Variants in MKLN1 observed in about 807,000 individuals in gnomAD.
MKLN1 encodes muskelin 1.
Under a neutral mutation model 99.0 loss-of-function variants are expected in MKLN1, and 18 were observed. The ratio of observed to expected loss-of-function variants is 0.18; its 90% confidence interval spans 0.13 to 0.27. MKLN1 has a LOEUF of 0.27. Ranked by LOEUF, MKLN1 falls within the 10% of genes least tolerant of loss-of-function variation. The pLI is 1.00. For synonymous variants in MKLN1, 288 were observed against 293.2 expected (o/e 0.98, Z 0.18); for missense variants, 621 against 875.9 (o/e 0.71, Z 3.67).
At chr7:131,244,663 C>CGACGGTGAT (rs1222775375) in intron 3 of MKLN1, among the ~76,000 whole-genome samples, 2 of 152,132 alleles carry the variant, frequency 1.3e-5, no homozygotes, top group African/African-American at 2.4e-5. Flanking sequence ...GTTACAGTGA[C>CGACGGTGAT]GACGGTGATG....
rs1469251060 is a variant in MKLN1 at position 131,463,305 on chromosome 7, A to T, written c.1614A>T (p.Glu538Asp). 1 of 1,612,668 alleles carries T rather than the reference A, an allele frequency of 6.2e-7. No individual in the cohort carries two copies. The highest frequency in any genetic ancestry group is 2.2e-5 in the East Asian group (1 of 44,786). ...TATCTGGACTCAGCAAAGATAAGGA[A>T]AAGAGGGAAGAAAATGTTAGAAATT... ...HVLSGLSKDKEKREENVRNSF... is the reference protein window; with the variant it reads ...HVLSGLSKDKDKREENVRNSF... Residue 538 changes from glutamate (E) to aspartate (D), a missense_variant, in exon 13 of 18, where the codon GAA (glutamate) becomes GAT (aspartate). Physicochemically the swap from Glu to Asp is conservative, Grantham distance 45. Transcript: ENST00000352689.
At chr7:131,115,037 A>C (rs2116845839) in intron 1 of MKLN1, among the ~76,000 whole-genome samples, 1 of 152,278 alleles carries the variant, frequency 6.6e-6, no homozygotes, top group South Asian at 2.1e-4. Context: ...TTATTAGTAA[A>C]ATGGGGATAG....
intron 3 of MKLN1, among the ~76,000 whole-genome samples, chr7:131,293,447 A>G (rs1173491785): frequency 6.6e-6 from 1 of 152,240 alleles, no homozygotes. Flanking sequence ...CAAACTGATC[A>G]TGAGGAAACA....
At chr7:131,483,049 G>A (rs759738619) in intron 17 of MKLN1, among the ~76,000 whole-genome samples, 4 of 152,154 alleles carry the variant, frequency 2.6e-5, no homozygotes, top group African/African-American at 7.2e-5. Flanking sequence ...CTCTCACTGA[G>A]CTTTACCAGT....
intron 1 of MKLN1, among the ~76,000 whole-genome samples, chr7:131,374,050 C>T (rs1236640569): frequency 6.6e-6 from 1 of 152,086 alleles, no homozygotes; most frequent in African/African-American, 2.4e-5. Flanking sequence ...GGGTATTTTA[C>T]CACTTAAATT....
intron 2 of MKLN1, among the ~76,000 whole-genome samples, chr7:131,149,841 A>G (rs750404744): frequency 6.6e-6 from 1 of 152,190 alleles, no homozygotes; most frequent in East Asian, 1.9e-4. Flanking sequence ...TCAAGAATCA[A>G]CTTTCTCAGG....
intron 3 of MKLN1, among the ~76,000 whole-genome samples, chr7:131,230,780 C>G (rs1408146941): frequency 6.6e-6 from 1 of 152,062 alleles, no homozygotes; most frequent in Non-Finnish European, 1.5e-5. Flanking sequence ...GCATGGGGAG[C>G]CTCCATCTCA....
In MKLN1 at chr7:131,267,071, G is replaced by A. The variant is rs112337701; in HGVS notation, c.-179+64097G>A. Among the ~76,000 whole-genome samples, 718 of 152,076 alleles carry A rather than the reference G, an allele frequency of 4.7e-3. 3 individuals are homozygous for A. The highest frequency in any genetic ancestry group is 0.016 in the African/African-American group (683 of 41,450). ...TTTCCGGCTGGGCGTGGTAGCTCAC[G>A]CCTGTAATCCTAGCACTTTGGGAGG... On this transcript the variant is annotated intron_variant, in intron 3 of 7. Transcript: ENST00000416992.
At chr7:131,258,147 C>CA in intron 3 of MKLN1, among the ~76,000 whole-genome samples, 1 of 145,586 alleles carries the variant, frequency 6.9e-6, no homozygotes, top group East Asian at 2.0e-4. Context: ...AAAAAAGCTC[C>CA]TTTTTTTTTT....
chr7:131,485,150 C>G (rs1216908552), intron 17 of MKLN1, among the ~76,000 whole-genome samples: 1 of 151,730 alleles, frequency 6.6e-6, no homozygotes, highest in Non-Finnish European at 1.5e-5. Flanking sequence ...AAGGAAGTAC[C>G]CCAAAATTAA....
intron 3 of MKLN1, among the ~76,000 whole-genome samples, chr7:131,211,602 G>GT (rs34469545): frequency 0.025 from 3,650 of 146,436 alleles, 80 homozygotes; most frequent in Middle Eastern, 0.059. Context: ...CAACCCTTGT[G>GT]TTTTTTTTTT....
intron 3 of MKLN1, among the ~76,000 whole-genome samples, chr7:131,273,177 GC>G (rs747712584): frequency 3.3e-5 from 5 of 152,186 alleles, no homozygotes; most frequent in Non-Finnish European, 7.4e-5. Flanking sequence ...CAGTCCTACA[GC>G]CTTGCTCTTT....
chr7:131,249,437 T>A (rs1025072164), intron 3 of MKLN1, among the ~76,000 whole-genome samples: 1 of 152,260 alleles, frequency 6.6e-6, no homozygotes, highest in Admixed American at 6.5e-5. Context: ...GATGTACTTA[T>A]AATCACTGTG....
At chr7:131,160,282 A>T (rs1157060603) in intron 2 of MKLN1, among the ~76,000 whole-genome samples, 1 of 152,030 alleles carries the variant, frequency 6.6e-6, no homozygotes, top group Non-Finnish European at 1.5e-5. Flanking sequence ...ATTCCATTGT[A>T]TGAATATACC....
intron 2 of MKLN1, among the ~76,000 whole-genome samples, 175 bp from the exon 3 acceptor site, chr7:131,386,945 G>T (rs1488644589): frequency 6.6e-6 from 1 of 152,088 alleles, no homozygotes; most frequent in African/African-American, 2.4e-5. Flanking sequence ...TGGTTCTGGT[G>T]GGATAACCTT....
intron 3 of MKLN1, among the ~76,000 whole-genome samples, 154 bp from the exon 4 acceptor site, chr7:131,388,730 T>A (rs893323308): frequency 6.6e-6 from 1 of 152,220 alleles, no homozygotes; most frequent in African/African-American, 2.4e-5. Context: ...GGTTTTGACC[T>A]ATATGCCCAT....
At chr7:131,452,766 G>T (rs1332397085) in intron 12 of MKLN1, among the ~76,000 whole-genome samples, 2 of 151,964 alleles carry the variant, frequency 1.3e-5, no homozygotes, top group African/African-American at 2.4e-5. Context: ...GGCCAGGATG[G>T]TCTTGATCTC....
intron 2 of MKLN1, among the ~76,000 whole-genome samples, chr7:131,159,055 G>T (rs1476695582): frequency 6.6e-6 from 1 of 152,104 alleles, no homozygotes; most frequent in Non-Finnish European, 1.5e-5. Context: ...AATTAGCTGG[G>T]TGTGGTGGCA....
At chr7:131,427,053 T>C (rs755837596) in intron 8 of MKLN1, among the ~76,000 whole-genome samples, 1 of 152,306 alleles carries the variant, frequency 6.6e-6, no homozygotes. Context: ...ACTGAGAGTT[T>C]TGCAGATGAA....
Sources: gnomAD v4.1 joint callset for allele counts (sites outside exome capture counted in the v4.1 genomes callset) on GRCh38, gnomAD v4.1.1 for gene constraint, MANE v1.5 for transcripts, NCBI Gene and HGNC (gene_info 2026-07-23, HGNC 2026-07-21) for gene names.